CDH18: variants seen among roughly 807,000 people sequenced by gnomAD.
CDH18 encodes the protein cadherin 18.
CDH18 carries 31 observed loss-of-function variants against 67.9 expected under a neutral mutation model. The observed-to-expected ratio is 0.46, with a 90% confidence interval of 0.34 to 0.62. The LOEUF is 0.62. CDH18 is among the 20% of genes least tolerant of loss of function. CDH18 has a pLI of 0.01. For synonymous variants in CDH18, 362 were observed against 347.2 expected, an observed-to-expected ratio of 1.04 and a Z score of -0.48; for missense variants, 890 against 975.5, an observed-to-expected ratio of 0.91 and a Z score of 1.17.
chr5:19,765,601 T>C (rs1216313727), intron 3 of CDH18, among the ~76,000 whole-genome samples: 1 of 152,102 alleles, frequency 6.6e-6, no homozygotes, highest in Admixed American at 6.5e-5. Context: ...ATGAAGCTAA[T>C]TCAATACACT....
At chr5:19,487,279 T>G (rs559836020) in intron 11 of CDH18, among the ~76,000 whole-genome samples, 3 of 152,244 alleles carry the variant, frequency 2.0e-5, no homozygotes, top group African/African-American at 7.2e-5. Flanking sequence ...TAGCCATAAG[T>G]CTACAGAGCT....
At chr5:20,558,823 T>C (rs1758052626) in intron 1 of CDH18, among the ~76,000 whole-genome samples, 1 of 151,830 alleles carries the variant, frequency 6.6e-6, no homozygotes, top group Non-Finnish European at 1.5e-5. Flanking sequence ...TTTAATAAAC[T>C]GAAAGGGATT....
intron 4 of CDH18, among the ~76,000 whole-genome samples, chr5:19,740,928 T>A (rs1053043839): frequency 3.3e-5 from 5 of 152,074 alleles, no homozygotes; most frequent in Non-Finnish European, 5.9e-5. Flanking sequence ...GATAATGTAC[T>A]GCATATCACA....
At chr5:20,427,806 A>G (rs934263231) in intron 1 of CDH18, among the ~76,000 whole-genome samples, 2 of 151,206 alleles carry the variant, frequency 1.3e-5, no homozygotes, top group African/African-American at 4.9e-5. Flanking sequence ...AATGTTTCAG[A>G]AAAAAAGTCT....
intron 2 of CDH18, among the ~76,000 whole-genome samples, chr5:20,022,288 AT>A (rs1738498321): frequency 6.6e-6 from 1 of 152,210 alleles, no homozygotes; most frequent in Non-Finnish European, 1.5e-5. Context: ...AATGGAAATA[AT>A]AAGGAAGTAG....
chr5:20,280,440 T>C (rs946503959), intron 1 of CDH18, among the ~76,000 whole-genome samples: 1 of 152,150 alleles, frequency 6.6e-6, no homozygotes, highest in Non-Finnish European at 1.5e-5. Flanking sequence ...TTCCCACCTA[T>C]GAGTGAGAAC....
intron 1 of CDH18, among the ~76,000 whole-genome samples, chr5:20,505,792 AAAG>A (rs1371970205): frequency 6.6e-6 from 1 of 152,222 alleles, no homozygotes; most frequent in East Asian, 1.9e-4. Context: ...CCATGAAAGT[AAAG>A]AAGTTTAGCT....
chr5:20,353,481 A>G (rs1280624600), intron 1 of CDH18, among the ~76,000 whole-genome samples: 2 of 152,192 alleles, frequency 1.3e-5, no homozygotes, highest in Non-Finnish European at 2.9e-5. Context: ...CAAGCTCAAA[A>G]AAGAAATAAT....
At chr5:20,506,368 TG>T (rs1370661814) in intron 1 of CDH18, among the ~76,000 whole-genome samples, 3 of 152,218 alleles carry the variant, frequency 2.0e-5, no homozygotes, top group Non-Finnish European at 4.4e-5. Context: ...TTGCCAGAGT[TG>T]TTCATTACCT....
intron 2 of CDH18, among the ~76,000 whole-genome samples, chr5:19,912,907 G>C (rs1450133759): frequency 6.6e-6 from 1 of 152,114 alleles, no homozygotes. Flanking sequence ...GCAGGGTCTG[G>C]GTGATTCTCA....
At chr5:20,470,755 A>G (rs900454632) in intron 1 of CDH18, among the ~76,000 whole-genome samples, 4 of 152,162 alleles carry the variant, frequency 2.6e-5, no homozygotes, top group Non-Finnish European at 4.4e-5. Flanking sequence ...GCTACACTAC[A>G]AGTTCCAGCA....
chr5:20,131,338 C>T (rs1179682687), intron 2 of CDH18, among the ~76,000 whole-genome samples: 4 of 151,960 alleles, frequency 2.6e-5, no homozygotes, highest in Non-Finnish European at 5.9e-5. Context: ...TTATCTGTAG[C>T]TTCACCTTTC....
At chr5:19,954,328 A>G (rs940024463) in intron 2 of CDH18, among the ~76,000 whole-genome samples, 10 of 152,054 alleles carry the variant, frequency 6.6e-5, no homozygotes, top group African/African-American at 2.4e-4. Flanking sequence ...TTGTAGATGT[A>G]TGCATTAATA....
intron 2 of CDH18, among the ~76,000 whole-genome samples, chr5:20,103,422 G>A (rs1401578537): frequency 6.6e-6 from 1 of 151,896 alleles, no homozygotes; most frequent in Non-Finnish European, 1.5e-5. Context: ...ACCACTTTTA[G>A]GTGAGATATA....
At chr5:19,964,708 A>C (rs1000644896) in intron 2 of CDH18, among the ~76,000 whole-genome samples, 2 of 150,552 alleles carry the variant, frequency 1.3e-5, no homozygotes, top group Non-Finnish European at 1.5e-5. Context: ...CTGAGGTATA[A>C]TATGGAACTA....
chr5:20,092,949 TA>T (rs1053656527), intron 2 of CDH18, among the ~76,000 whole-genome samples: 4 of 152,198 alleles, frequency 2.6e-5, no homozygotes, highest in Admixed American at 6.6e-5. Context: ...CTGATTAAGT[TA>T]AAAATTATTT....
At chr5:19,901,706 T>A (rs1279980539) in intron 2 of CDH18, among the ~76,000 whole-genome samples, 1 of 152,048 alleles carries the variant, frequency 6.6e-6, no homozygotes, top group East Asian at 1.9e-4. Context: ...GATGCAGATA[T>A]TTTTAAAATA....
chr5:20,036,276 T>C (rs1865718), intron 2 of CDH18, among the ~76,000 whole-genome samples: 115,339 of 151,876 alleles, frequency 0.76, 46,845 homozygotes, highest in Non-Finnish European at 0.9. Context: ...ATTAGTATTT[T>C]CATGTGCACA....
At chr5:19,854,224 C>T (rs1470760569) in intron 2 of CDH18, among the ~76,000 whole-genome samples, 1 of 152,078 alleles carries the variant, frequency 6.6e-6, no homozygotes, top group African/African-American at 2.4e-5. Context: ...CCATTTCTCA[C>T]TCAACAGATT....
Sources: gnomAD v4.1 joint callset for allele counts (sites outside exome capture counted in the v4.1 genomes callset) on GRCh38, gnomAD v4.1.1 for gene constraint, MANE v1.5 for transcripts, NCBI Gene and HGNC (gene_info 2026-07-23, HGNC 2026-07-21) for gene names.